Variants in XKR4 observed in about 807,000 individuals in gnomAD.
XKR4 encodes the protein XK related 4.
XKR4 carries 12 observed loss-of-function variants against 53.9 expected under a neutral mutation model. That is an observed-to-expected ratio of 0.22 (90% CI 0.14 to 0.36). The LOEUF (loss-of-function observed/expected upper bound fraction) is 0.36, where lower values mean the gene tolerates loss of function less well. Among genes scored for constraint, XKR4 ranks in the 10% least tolerant of loss-of-function variants. The pLI, the probability that XKR4 is intolerant of heterozygous loss-of-function variation, is 1.00. For synonymous variants in XKR4, 354 were observed against 362.4 expected, an observed-to-expected ratio of 0.98 and a Z score of 0.26; for missense variants, 799 against 859.5, an observed-to-expected ratio of 0.93 and a Z score of 0.88.
intron 1 of XKR4, among the ~76,000 whole-genome samples, chr8:55,333,475 T>A (rs1803408505): frequency 6.6e-6 from 1 of 152,158 alleles, no homozygotes; most frequent in African/African-American, 2.4e-5. Context: ...TTTATTCTGA[T>A]TCCCCCATAT....
At chr8:55,495,749 T>C (rs1806336996) in intron 2 of XKR4, among the ~76,000 whole-genome samples, 1 of 152,200 alleles carries the variant, frequency 6.6e-6, no homozygotes, top group Non-Finnish European at 1.5e-5. Context: ...GGCAGCTCAG[T>C]CGACTGCCTT....
intron 2 of XKR4, chr8:55,451,771 G>T (rs985830776): frequency 1.6e-5 from 17 of 1,077,792 alleles, no homozygotes; most frequent in Non-Finnish European, 2.4e-5. Flanking sequence ...GCTGCTCAGG[G>T]GGCCCAGGCC....
At chr8:55,452,592 A>G (rs1314407025) in intron 2 of XKR4, 2 of 966,914 alleles carry the variant, frequency 2.1e-6, no homozygotes, top group Non-Finnish European at 3.3e-6. Context: ...CACCGCCTCC[A>G]GGGTCTTAAT....
At position 55,539,732 on chromosome 8, in the gene XKR4, A is replaced by G. The variant is rs979712702; in HGVS notation, c.*15505A>G. 6.6e-6 allele frequency: 1 copy of G among 152,190 alleles called. No homozygotes were observed. Among genetic ancestry groups the G allele is most frequent in the Non-Finnish European group, 1.5e-5 (1 of 68,048 alleles). The allele number at this position is 152,190 out of a possible 1,614,324, so 9.4% of individuals were successfully genotyped here. On this transcript the variant is annotated 3_prime_UTR_variant, in exon 3 of 3. Coordinates refer to ENST00000327381, the MANE Select transcript of XKR4 (RefSeq NM_052898.2). ...TCAATACTCCCCCAACCAGAAATGC[A>G]GCAGAATATCCTTTTTGCTATAAAG...
At chr8:55,481,198 A>G (rs1563362920) in intron 2 of XKR4, among the ~76,000 whole-genome samples, 1 of 152,126 alleles carries the variant, frequency 6.6e-6, no homozygotes, top group Non-Finnish European at 1.5e-5. Context: ...TACAAAACAG[A>G]TATAAGATCA....
intron 1 of XKR4, among the ~76,000 whole-genome samples, chr8:55,352,094 A>T (rs1178493017): frequency 1.3e-5 from 2 of 152,272 alleles, no homozygotes; most frequent in Non-Finnish European, 2.9e-5. Context: ...ATGAACTCAC[A>T]GATGAATACA....
At chr8:55,457,668 G>A (rs186775082) in intron 2 of XKR4, among the ~76,000 whole-genome samples, 9 of 152,266 alleles carry the variant, frequency 5.9e-5, no homozygotes, top group South Asian at 4.2e-4. Flanking sequence ...TAAAGTTCAC[G>A]GGGAGAAATG....
chr8:55,366,999 C>A lies in XKR4; in HGVS notation c.1006+9122C>A, dbSNP rs148907450. ...TCTCCTCTTCCTCACTTCCTATCCT[C>A]TGTTTTTGTTTCCTAATTTTTAAAC... On this transcript the variant is annotated intron_variant, in intron 2 of 2. Transcript: ENST00000327381. Among the ~76,000 whole-genome samples, 63 of 152,296 alleles carry A rather than the reference C, an allele frequency of 4.1e-4. No individual in the cohort carries two copies. The East Asian group carries it at 9.7e-3, about 23-fold the overall frequency.
intron 1 of XKR4, among the ~76,000 whole-genome samples, chr8:55,190,205 C>T (rs182796944): frequency 1.3e-5 from 2 of 152,264 alleles, no homozygotes; most frequent in East Asian, 3.9e-4. Context: ...AGAAGTGGGG[C>T]TGGAATGGCT....
intron 1 of XKR4, among the ~76,000 whole-genome samples, chr8:55,247,855 C>CTTTTTTTTTT (rs1166258777): frequency 1.7e-5 from 1 of 59,854 alleles, no homozygotes; most frequent in Non-Finnish European, 4.5e-5. Flanking sequence ...TTCTTTCTTT[C>CTTTTTTTTTT]TTTTTTTTTT....
chr8:55,402,017 G>T (rs1054239591), intron 2 of XKR4, among the ~76,000 whole-genome samples: 1 of 152,028 alleles, frequency 6.6e-6, no homozygotes. Flanking sequence ...TTGTATTTTC[G>T]CGAATCTTTT....
intron 1 of XKR4, among the ~76,000 whole-genome samples, chr8:55,136,202 A>G (rs9643832): frequency 0.17 from 26,319 of 152,168 alleles, 2,463 homozygotes; most frequent in East Asian, 0.3. Flanking sequence ...CATGCTCACT[A>G]ATTTGTCTTT....
Position 55,357,775 on chromosome 8 carries a change from G to A in XKR4, c.904G>A (p.Val302Met). Residue 302 changes from valine to methionine, a missense_variant, in exon 2 of 3, where the codon GTG becomes ATG. Val to Met is a conservative substitution (Grantham distance 21, BLOSUM62 1). Coordinates refer to ENST00000327381, the MANE Select transcript of XKR4 (RefSeq NM_052898.2). ...YWKMVYEYAD[V>M]SMLHLLATFL... ...GAAAATGGTATATGAGTATGCGGAT[G>A]TGAGTATGCTGCATTTGCTAGCCAC... The A allele has an allele frequency of 3.1e-6, 5 of 1,614,210 alleles. No individual in the cohort carries two copies. The highest frequency in any genetic ancestry group is 3.4e-6 in the Non-Finnish European group (4 of 1,180,022).
chr8:55,391,377 C>T (rs1348390232), intron 2 of XKR4, among the ~76,000 whole-genome samples: 2 of 152,130 alleles, frequency 1.3e-5, no homozygotes, highest in African/African-American at 4.8e-5. Flanking sequence ...CACTAAGGAA[C>T]TAGTTGAATA....
chr8:55,399,124 A>G (rs1563340857), intron 2 of XKR4, among the ~76,000 whole-genome samples: 1 of 152,168 alleles, frequency 6.6e-6, no homozygotes, highest in Non-Finnish European at 1.5e-5. Flanking sequence ...AAAAAGATTT[A>G]TTTCTAGTGG....
intron 1 of XKR4, among the ~76,000 whole-genome samples, chr8:55,234,611 A>C (rs1485040376): frequency 6.6e-6 from 1 of 152,210 alleles, no homozygotes; most frequent in East Asian, 1.9e-4. Flanking sequence ...TCCAGTAGTT[A>C]TATATCAGTA....
chr8:55,475,059 A>G (rs906821649), intron 2 of XKR4, among the ~76,000 whole-genome samples: 4 of 152,084 alleles, frequency 2.6e-5, no homozygotes, highest in Middle Eastern at 3.4e-3. Flanking sequence ...TAACCTAAGA[A>G]CTTATAAATA....
intron 1 of XKR4, among the ~76,000 whole-genome samples, chr8:55,295,527 G>T (rs1819089446): frequency 1.3e-5 from 2 of 152,166 alleles, no homozygotes; most frequent in Admixed American, 6.5e-5. Flanking sequence ...AATGATTATT[G>T]CATGAAACTG....
chr8:55,111,343 G>T (rs1458993013), intron 1 of XKR4, among the ~76,000 whole-genome samples: 1 of 152,114 alleles, frequency 6.6e-6, no homozygotes, highest in Admixed American at 6.5e-5. Flanking sequence ...TTCTGATTCT[G>T]CTCTTATTAT....
Sources: allele counts gnomAD v4.1 joint callset (sites outside exome capture counted in the v4.1 genomes callset), GRCh38; gene constraint gnomAD v4.1.1; transcripts MANE v1.5; gene names NCBI Gene and HGNC (gene_info 2026-07-23, HGNC 2026-07-21).